RBFOX1: variants seen among roughly 807,000 people sequenced by gnomAD.
The protein encoded by RBFOX1 is RNA binding protein fox-1 homolog 1.
A neutral mutation model predicts 57.7 loss-of-function variants in RBFOX1; 8 were observed. That is an observed-to-expected ratio of 0.14 (90% CI 0.08 to 0.25). The LOEUF (loss-of-function observed/expected upper bound fraction) is 0.25. RBFOX1 is among the 10% of genes least tolerant of loss of function. The probability of loss-of-function intolerance (pLI) is 1.00; values close to 1 mark genes in which losing one functional copy is unlikely to be tolerated. For missense variants in RBFOX1, 611 were observed against 548.5 expected, an observed-to-expected ratio of 1.11 and a Z score of -1.14; for synonymous variants, 326 against 222.4, an observed-to-expected ratio of 1.47 and a Z score of -4.15.
chr16:7,059,251 T>C (rs181492210), intron 4 of RBFOX1, among the ~76,000 whole-genome samples: 196 of 152,308 alleles, frequency 1.3e-3, no homozygotes, highest in African/African-American at 4.6e-3. Flanking sequence ...TTAGTGGCTC[T>C]TACGATAGCA....
intron 4 of RBFOX1, among the ~76,000 whole-genome samples, chr16:7,367,803 C>G (rs890544377): frequency 5.9e-5 from 9 of 151,344 alleles, no homozygotes; most frequent in African/African-American, 7.3e-5. Flanking sequence ...AGGTAAAAAT[C>G]CAGATTTTTG....
chr16:6,834,670 A>G (rs1032198194), intron 3 of RBFOX1, among the ~76,000 whole-genome samples: 9 of 152,190 alleles, frequency 5.9e-5, no homozygotes, highest in African/African-American at 1.9e-4. Context: ...AATAAGAATT[A>G]TAAAATTTAG....
At position 6,283,335 on chromosome 16, in the gene RBFOX1, A is replaced by G. The variant is rs1048946086; in HGVS notation, c.-126-33660A>G. ...GCAAGACCTCATCTCAAAAAACAAA[A>G]ACAAACAAATAAAAATTAAATAATA... On this transcript the variant is annotated intron_variant, in intron 1 of 15. Transcript: ENST00000550418. Among the ~76,000 whole-genome samples, 5 of 152,156 alleles carry G rather than the reference A, an allele frequency of 3.3e-5. No homozygotes were observed. The East Asian group carries it at 7.7e-4, about 23-fold the overall frequency.
chr16:6,688,571 T>C (rs1451369320), intron 3 of RBFOX1, among the ~76,000 whole-genome samples: 2 of 152,204 alleles, frequency 1.3e-5, no homozygotes, highest in Non-Finnish European at 2.9e-5. Flanking sequence ...GGAGTCAAAC[T>C]GAAGACTACC....
intron 4 of RBFOX1, among the ~76,000 whole-genome samples, chr16:7,053,115 G>A (rs919993091): frequency 6.6e-6 from 1 of 152,154 alleles, no homozygotes; most frequent in Non-Finnish European, 1.5e-5. Flanking sequence ...ATAGTCTCAT[G>A]ATGGCAATAA....
chr16:6,327,158 G>T (rs567854418), intron 2 of RBFOX1, among the ~76,000 whole-genome samples: 19 of 152,166 alleles, frequency 1.2e-4, no homozygotes, highest in South Asian at 6.2e-4. Flanking sequence ...ATGGTCCAAA[G>T]CTGTGGTCAT....
At chr16:6,490,258 A>T in intron 2 of RBFOX1, among the ~76,000 whole-genome samples, 1 of 152,246 alleles carries the variant, frequency 6.6e-6, no homozygotes, top group East Asian at 1.9e-4. Flanking sequence ...GGAAAAAAAG[A>T]TCTTGCAAGT....
intron 4 of RBFOX1, among the ~76,000 whole-genome samples, chr16:7,300,177 C>T (rs148898147): frequency 6.6e-6 from 1 of 152,276 alleles, no homozygotes; most frequent in African/African-American, 2.4e-5. Flanking sequence ...ATCTATTGTA[C>T]TGTACTTATT....
At chr16:5,712,865 T>C (rs930056258) in intron 3 of RBFOX1, among the ~76,000 whole-genome samples, 3 of 152,188 alleles carry the variant, frequency 2.0e-5, no homozygotes, top group African/African-American at 7.2e-5. Flanking sequence ...CCCCACTCCA[T>C]TTCTGTGCTG....
At chr16:5,906,690 C>T (rs1311713508) in intron 4 of RBFOX1, among the ~76,000 whole-genome samples, 1 of 150,302 alleles carries the variant, frequency 6.7e-6, no homozygotes, top group African/African-American at 2.4e-5. Flanking sequence ...TCGCTGACCA[C>T]ACTCCCAGCA....
chr16:7,056,605 G>A (rs1403439525), intron 4 of RBFOX1, among the ~76,000 whole-genome samples: 2 of 152,164 alleles, frequency 1.3e-5, no homozygotes, highest in Admixed American at 6.5e-5. Context: ...GGGGCCTGTT[G>A]TTTCCCTGAA....
chr16:7,610,542 T>A (rs922927293), intron 10 of RBFOX1, among the ~76,000 whole-genome samples: 1 of 152,186 alleles, frequency 6.6e-6, no homozygotes, highest in Middle Eastern at 3.2e-3. Context: ...AAGTGTTACA[T>A]GACAAATCTG....
At chr16:6,962,407 C>A (rs1444572376) in intron 3 of RBFOX1, among the ~76,000 whole-genome samples, 1 of 152,166 alleles carries the variant, frequency 6.6e-6, no homozygotes, top group African/African-American at 2.4e-5. Context: ...GAGATAAATT[C>A]AACCTGCTAC....
intron 2 of RBFOX1, among the ~76,000 whole-genome samples, chr16:6,633,396 G>C (rs2098405805): frequency 6.6e-6 from 1 of 152,122 alleles, no homozygotes; most frequent in Non-Finnish European, 1.5e-5. Flanking sequence ...TTGTGCCTCA[G>C]CCTCCCAAGT....
intron 1 of RBFOX1, among the ~76,000 whole-genome samples, chr16:6,127,344 C>T (rs114917608): frequency 2.0e-5 from 3 of 151,838 alleles, no homozygotes; most frequent in Non-Finnish European, 2.9e-5. Context: ...TATTCAAGCA[C>T]CTGCTCTAGT....
At chr16:7,381,221 C>T (rs74012508) in intron 4 of RBFOX1, among the ~76,000 whole-genome samples, 2,461 of 152,222 alleles carry the variant, frequency 0.016, 73 homozygotes, top group African/African-American at 0.056. Flanking sequence ...GGGATTGAGG[C>T]CGTGTCTCTC....
At chr16:7,668,156 C>T (rs2070041885) in intron 13 of RBFOX1, among the ~76,000 whole-genome samples, 1 of 152,300 alleles carries the variant, frequency 6.6e-6, no homozygotes, top group Middle Eastern at 3.4e-3. Context: ...TTTCTAGGTG[C>T]CCTGCTCTCT....
intron 4 of RBFOX1, among the ~76,000 whole-genome samples, chr16:7,412,878 T>C (rs1348245533): frequency 1.3e-5 from 2 of 151,926 alleles, no homozygotes; most frequent in African/African-American, 4.8e-5. Flanking sequence ...CCGTCTCTAC[T>C]ACAAATATAA....
chr16:7,006,442 T>C (rs764406549), intron 3 of RBFOX1, among the ~76,000 whole-genome samples: 1 of 152,064 alleles, frequency 6.6e-6, no homozygotes, highest in Non-Finnish European at 1.5e-5. Context: ...CTTGAGCCAC[T>C]GCGCCCGGCC....
Sources: gnomAD v4.1 joint callset for allele counts (sites outside exome capture counted in the v4.1 genomes callset) on GRCh38, gnomAD v4.1.1 for gene constraint, MANE v1.5 for transcripts, NCBI Gene and HGNC (gene_info 2026-07-23, HGNC 2026-07-21) for gene names.